Variants in ATP6V0D2 observed in about 807,000 individuals in gnomAD.
The protein encoded by ATP6V0D2 is ATPase H+ transporting V0 subunit d2, also known as V-type proton ATPase subunit d 2.
ATP6V0D2 carries 40 observed loss-of-function variants against 40.0 expected under a neutral mutation model. That is an observed-to-expected ratio of 1.00 (90% CI 0.78 to 1.30). ATP6V0D2 has a LOEUF of 1.30. Ranked by LOEUF, ATP6V0D2 falls within the 50% of genes most tolerant of loss-of-function variation. ATP6V0D2 has a pLI of 0.00. For synonymous variants in ATP6V0D2, 179 were observed against 156.3 expected (o/e 1.15, Z -1.08); for missense variants, 470 against 423.1 (o/e 1.11, Z -0.97).
chr8:86,123,600 G>A (rs1281323929), intron 2 of ATP6V0D2, among the ~76,000 whole-genome samples: 1 of 152,024 alleles, frequency 6.6e-6, no homozygotes, highest in Non-Finnish European at 1.5e-5. Context: ...AGATTTAACA[G>A]GATTTAGTAT....
At chr8:86,147,668 G>C (rs747287914) in intron 5 of ATP6V0D2, among the ~76,000 whole-genome samples, 1 of 152,166 alleles carries the variant, frequency 6.6e-6, no homozygotes, top group Non-Finnish European at 1.5e-5. Flanking sequence ...TATATAGTCA[G>C]TTATGATAAA....
chr8:86,119,986 T>C (rs1192953341), intron 2 of ATP6V0D2, among the ~76,000 whole-genome samples: 2 of 152,228 alleles, frequency 1.3e-5, no homozygotes, highest in East Asian at 3.8e-4. Context: ...GTTTATATTT[T>C]ATATAGCACT....
At chr8:86,137,494 C>T (rs1236853909) in intron 2 of ATP6V0D2, among the ~76,000 whole-genome samples, 1 of 152,168 alleles carries the variant, frequency 6.6e-6, no homozygotes, top group East Asian at 1.9e-4. Context: ...CACCTTTAAA[C>T]TAACCCCTCC....
chr8:86,153,021 G>A lies in ATP6V0D2; in HGVS notation c.*44G>A. On this transcript the variant is annotated 3_prime_UTR_variant, in exon 8 of 8. Transcript: ENST00000285393. ...ATGTAGAAAATTATAAATGTTAAAAGGAAGTTATTGAAGAAAATAAAAGAA... is the reference window on the plus strand; with the variant it reads ...ATGTAGAAAATTATAAATGTTAAAAAGAAGTTATTGAAGAAAATAAAAGAA... 1 of 1,468,512 alleles carries A rather than the reference G, an allele frequency of 6.8e-7. No homozygotes were observed. The allele number at this position is 1,468,512 out of a possible 1,614,324, so 91.0% of individuals were successfully genotyped here.
intron 1 of ATP6V0D2, among the ~76,000 whole-genome samples, chr8:86,105,165 T>A (rs971876112): frequency 6.6e-6 from 1 of 152,212 alleles, no homozygotes; most frequent in African/African-American, 2.4e-5. Flanking sequence ...CTGTATAACA[T>A]CTGTGACATT....
intron 1 of ATP6V0D2, among the ~76,000 whole-genome samples, chr8:86,104,057 A>T (rs111798426): frequency 0.029 from 4,478 of 151,868 alleles, 207 homozygotes; most frequent in African/African-American, 0.1. Context: ...CAAACTCCTA[A>T]CCTCAAGTGA....
At chr8:86,138,229 T>C (rs1818923824) in intron 2 of ATP6V0D2, among the ~76,000 whole-genome samples, 1 of 152,216 alleles carries the variant, frequency 6.6e-6, no homozygotes, top group African/African-American at 2.4e-5. Context: ...CAGCCCCTTT[T>C]GGCTGGCCAG....
chr8:86,101,903 C>G (rs1026749037), intron 1 of ATP6V0D2, among the ~76,000 whole-genome samples: 3 of 152,198 alleles, frequency 2.0e-5, no homozygotes, highest in Non-Finnish European at 4.4e-5. Flanking sequence ...GTGTGCCAAT[C>G]TACTGTTCAG....
chr8:86,151,380 C>A (rs2129647168), intron 6 of ATP6V0D2, 86 bp from the exon 7 acceptor site: 2 of 978,754 alleles, frequency 2.0e-6, no homozygotes, highest in Non-Finnish European at 2.9e-6. Context: ...AATAGGTACA[C>A]AATTTCTATA....
intron 2 of ATP6V0D2, among the ~76,000 whole-genome samples, chr8:86,128,486 A>G (rs1195641977): frequency 1.3e-5 from 2 of 152,256 alleles, no homozygotes; most frequent in African/African-American, 4.8e-5. Context: ...GGCCCAAAGG[A>G]CAAAGTTCAG....
At chr8:86,128,362 TAAAC>T (rs149994657) in intron 2 of ATP6V0D2, among the ~76,000 whole-genome samples, 33,538 of 151,620 alleles carry the variant, frequency 0.22, 4,528 homozygotes, top group African/African-American at 0.38. Flanking sequence ...AATAAATAAA[TAAAC>T]AAACAAACAA....
At position 86,131,866 on chromosome 8, in the gene ATP6V0D2, T is replaced by G. The variant is rs377084497; in HGVS notation, c.303-7591T>G. On this transcript the variant is annotated intron_variant, in intron 2 of 7. Transcript: ENST00000285393. ...AAAAGAAAGAAATTAAAACCTATCTTAGTGAATAATTTTGAACATTCTATA... is the reference window on the plus strand; with the variant it reads ...AAAAGAAAGAAATTAAAACCTATCTGAGTGAATAATTTTGAACATTCTATA... 5.7e-3 allele frequency among the ~76,000 whole-genome samples: 865 copies of G among 152,270 alleles called. 7 individuals are homozygous for G. Among genetic ancestry groups the G allele is most frequent in the African/African-American group, 0.02 (822 of 41,552 alleles).
At position 86,118,002 on chromosome 8, in the gene ATP6V0D2, T is replaced by TTTTCTTTCTTTCTTTCTTTC. The variant is rs71574256; in HGVS notation, c.302+4130_302+4149dup. 4.4e-5 allele frequency among the ~76,000 whole-genome samples: 6 copies of TTTTCTTTCTTTCTTTCTTTC among 137,056 alleles called. No homozygotes were observed. The South Asian group carries it at 9.1e-4, about 21-fold the overall frequency. 89.9% of individuals were successfully genotyped at this position (137,056 alleles called of 152,430 possible). On this transcript the variant is annotated intron_variant, in intron 2 of 7. Coordinates refer to ENST00000285393, the MANE Select transcript of ATP6V0D2 (RefSeq NM_152565.1). ...AGTGTTTTTCTTTTCTTTCTCTTTG[T>TTTTCTTTCTTTCTTTCTTTC]TTTCTTTCTTTCTTTCTTTCTTTCT...
chr8:86,140,564 C>T (rs1024880329), intron 3 of ATP6V0D2, among the ~76,000 whole-genome samples: 7 of 152,076 alleles, frequency 4.6e-5, no homozygotes, highest in East Asian at 1.9e-4. Context: ...CAACTCAATG[C>T]TTGGCACATA....
intron 1 of ATP6V0D2, 133 bp from the exon 2 acceptor site, chr8:86,113,575 AG>A (rs1259675035): frequency 4.2e-6 from 3 of 717,338 alleles, no homozygotes; most frequent in Non-Finnish European, 6.6e-6. Flanking sequence ...AATCATATTT[AG>A]ACCTTATATT....
intron 2 of ATP6V0D2, among the ~76,000 whole-genome samples, chr8:86,114,958 A>G (rs1234702346): frequency 1.3e-5 from 2 of 152,216 alleles, no homozygotes; most frequent in Non-Finnish European, 2.9e-5. Context: ...GAAAATATCA[A>G]TGAAAAAATG....
intron 4 of ATP6V0D2, among the ~76,000 whole-genome samples, chr8:86,142,543 A>G (rs972386279): frequency 1.3e-5 from 2 of 152,222 alleles, no homozygotes; most frequent in Admixed American, 1.3e-4. Context: ...TAAATCTAAA[A>G]TTATTCACTG....
At chr8:86,133,108 CTGAT>C (rs1436176713) in intron 2 of ATP6V0D2, among the ~76,000 whole-genome samples, 2 of 152,012 alleles carry the variant, frequency 1.3e-5, no homozygotes, top group African/African-American at 4.8e-5. Flanking sequence ...GAGAAGAAGA[CTGAT>C]TGGCTAAGAA....
chr8:86,101,146 C>CAAAA (rs11414383), intron 1 of ATP6V0D2, among the ~76,000 whole-genome samples: 1 of 129,764 alleles, frequency 7.7e-6, no homozygotes. Context: ...AATTCTGTCT[C>CAAAA]AAAAAAAAAA....
Sources: allele counts gnomAD v4.1 joint callset (sites outside exome capture counted in the v4.1 genomes callset), GRCh38; gene constraint gnomAD v4.1.1; transcripts MANE v1.5; gene names NCBI Gene and HGNC (gene_info 2026-07-23, HGNC 2026-07-21).